Variants in PTGER3 observed in about 807,000 individuals in gnomAD.
PTGER3 encodes the protein prostaglandin E2 receptor EP3 subtype.
PTGER3 carries 22 observed loss-of-function variants against 34.7 expected under a neutral mutation model. The ratio of observed to expected loss-of-function variants is 0.63; its 90% CI spans 0.45 to 0.91. PTGER3 has a LOEUF of 0.91. Ranked by LOEUF, PTGER3 falls within the 40% of genes least tolerant of loss-of-function variation. The pLI is 0.00. For missense variants in PTGER3, 468 were observed against 519.4 expected, an observed-to-expected ratio of 0.90 and a Z score of 0.96; for synonymous variants, 241 against 230.1, an observed-to-expected ratio of 1.05 and a Z score of -0.43.
chr1:70,953,105 A>C (rs375226553), intron 3 of PTGER3: 157 of 1,462,122 alleles, frequency 1.1e-4, no homozygotes, highest in Non-Finnish European at 1.4e-4. Context: ...ATAAAAAATA[A>C]CAATATGAAA....
chr1:70,873,650 C>CTT (rs749236688), intron 4 of PTGER3, among the ~76,000 whole-genome samples: 1,390 of 135,568 alleles, frequency 0.01, 30 homozygotes, highest in African/African-American at 0.034. Context: ...ATGTGAGGTG[C>CTT]TTTTTTTTTT....
At chr1:70,929,558 T>C (rs1648495456) in intron 4 of PTGER3, among the ~76,000 whole-genome samples, 1 of 152,198 alleles carries the variant, frequency 6.6e-6, no homozygotes, top group Non-Finnish European at 1.5e-5. Flanking sequence ...AACATTGCTT[T>C]TACCCTAAAA....
chr1:71,010,823 A>G, intron 2 of PTGER3: 1 of 985,018 alleles, frequency 1.0e-6, no homozygotes, highest in Non-Finnish European at 1.2e-6. Context: ...CCCAATTGAC[A>G]TAGGCTGGTG....
At chr1:71,013,780 T>C (rs991965047) in intron 1 of PTGER3, among the ~76,000 whole-genome samples, 27 of 152,078 alleles carry the variant, frequency 1.8e-4, no homozygotes, top group African/African-American at 6.5e-4. Context: ...AGGAATATAC[T>C]GTCCAGAATT....
intron 1 of PTGER3, among the ~76,000 whole-genome samples, chr1:71,012,757 T>C (rs1012953232): frequency 7.9e-5 from 12 of 152,084 alleles, no homozygotes; most frequent in African/African-American, 2.7e-4. Flanking sequence ...AGCTTGAAAA[T>C]AACACATCTC....
chr1:70,912,401 T>C (rs1240103602), intron 4 of PTGER3, among the ~76,000 whole-genome samples: 1 of 152,106 alleles, frequency 6.6e-6, no homozygotes, highest in Non-Finnish European at 1.5e-5. Context: ...TTATATTTGT[T>C]ATGGCTCAGT....
chr1:70,890,692 ACAC>A (rs1646597476), intron 4 of PTGER3, among the ~76,000 whole-genome samples: 1 of 152,208 alleles, frequency 6.6e-6, no homozygotes, highest in Admixed American at 6.5e-5. Context: ...GCCTGTTCTC[ACAC>A]ACAGCCCTCC....
At position 70,923,154 on chromosome 1, in the gene PTGER3, CT is replaced by C. The variant is rs1308258951; in HGVS notation, c.*23+30608del. 6.6e-5 allele frequency among the ~76,000 whole-genome samples: 10 copies of C among 150,876 alleles called. No individual in the cohort carries two copies. In the East Asian group the frequency reaches 1.9e-3, roughly 29 times the overall value. On this transcript the variant is annotated intron_variant, in intron 4 of 4. Coordinates refer to the PTGER3 transcript ENST00000370931. Reference sequence around the variant, plus strand: ...GCACTAACACAACAGTGACATTTGGCTTACTTGGTATAAAAATCATACAAGA... The same window carrying C: ...GCACTAACACAACAGTGACATTTGGCTACTTGGTATAAAAATCATACAAGA...
intron 2 of PTGER3, among the ~76,000 whole-genome samples, chr1:70,991,264 T>C (rs1279469778): frequency 2.6e-5 from 4 of 152,250 alleles, no homozygotes; most frequent in Middle Eastern, 6.8e-3. Flanking sequence ...CCTGTGCACA[T>C]TACACTTTGG....
At chr1:70,912,320 T>C (rs1200393731) in intron 4 of PTGER3, among the ~76,000 whole-genome samples, 1 of 152,084 alleles carries the variant, frequency 6.6e-6, no homozygotes, top group African/African-American at 2.4e-5. Flanking sequence ...TGGTCTATGA[T>C]CTTTGAAAAA....
chr1:70,879,007 A>G (rs192838320), intron 4 of PTGER3, among the ~76,000 whole-genome samples: 7 of 152,298 alleles, frequency 4.6e-5, no homozygotes, highest in Admixed American at 2.6e-4. Flanking sequence ...TGTTGTGTCC[A>G]CATCTTGAAT....
intron 4 of PTGER3, among the ~76,000 whole-genome samples, chr1:70,876,622 G>C (rs565949768): frequency 6.6e-6 from 1 of 152,058 alleles, no homozygotes; most frequent in East Asian, 1.9e-4. Context: ...ATCTTGAGTT[G>C]ATTTTTGTAT....
intron 2 of PTGER3, among the ~76,000 whole-genome samples, chr1:71,004,021 T>A (rs191782921): frequency 9.9e-4 from 151 of 152,352 alleles, no homozygotes; most frequent in Non-Finnish European, 1.0e-3. Context: ...AGAACCAATG[T>A]TCTTTCTAAT....
rs371889589 is a variant in PTGER3, at chr1:71,047,115, G to T, written c.463C>A (p.Arg155=). The change falls in exon 1 of 4, where the codon CGG becomes AGG. Residue 155 remains arginine, a synonymous_variant. Coordinates refer to ENST00000306666, the MANE Select transcript of PTGER3 (RefSeq NM_198719.2). Reference sequence around the variant, plus strand: ...TGCGGCGCCCTGATGGCCAGCGCCCGCTCGACGGCCATGGCGCTGGCGATG... The same window carrying T: ...TGCGGCGCCCTGATGGCCAGCGCCCTCTCGACGGCCATGGCGCTGGCGATG... ...LFIASAMAVE[R]ALAIRAPHWY... is the part of the protein sequence containing the mutation. The T allele has an allele frequency of 1.9e-5, 31 of 1,603,608 alleles. No homozygotes were observed. In the African/African-American group the frequency reaches 3.2e-4, roughly 17 times the overall value.
intron 2 of PTGER3, among the ~76,000 whole-genome samples, chr1:70,979,601 G>A (rs565942320): frequency 1.9e-4 from 29 of 152,038 alleles, no homozygotes; most frequent in Non-Finnish European, 3.2e-4. Context: ...AAAAATAAAC[G>A]GTTTCCCCTT....
chr1:70,872,711 C>CA (rs1250224107), intron 4 of PTGER3, among the ~76,000 whole-genome samples: 1 of 152,120 alleles, frequency 6.6e-6, no homozygotes, highest in Non-Finnish European at 1.5e-5. Context: ...ATAAAATTAA[C>CA]AAAAATTGTT....
At chr1:71,035,906 T>G (rs1214856011) in intron 1 of PTGER3, among the ~76,000 whole-genome samples, 1 of 152,224 alleles carries the variant, frequency 6.6e-6, no homozygotes, top group Non-Finnish European at 1.5e-5. Flanking sequence ...TAAATGACCT[T>G]TTTCCCAGAG....
At chr1:70,971,956 G>A (rs1653129967) in intron 3 of PTGER3, among the ~76,000 whole-genome samples, 1 of 152,154 alleles carries the variant, frequency 6.6e-6, no homozygotes, top group Admixed American at 6.5e-5. Context: ...GTTTCAATTA[G>A]TATATAACTC....
At chr1:70,977,827 A>G (rs1653859521) in intron 2 of PTGER3, among the ~76,000 whole-genome samples, 1 of 152,022 alleles carries the variant, frequency 6.6e-6, no homozygotes, top group Non-Finnish European at 1.5e-5. Context: ...CTCCAAGTGC[A>G]GTCGAATGTT....
Sources: gnomAD v4.1 joint callset for allele counts (sites outside exome capture counted in the v4.1 genomes callset) on GRCh38, gnomAD v4.1.1 for gene constraint, MANE v1.5 for transcripts, NCBI Gene and HGNC (gene_info 2026-07-23, HGNC 2026-07-21) for gene names.